The following COCH variants were observed in gnomAD, a reference collection of about 807,000 sequenced individuals.
COCH encodes the protein coagulation factor C homolog, cochlin (Limulus polyphemus).
Under a neutral mutation model 54.8 loss-of-function variants are expected in COCH, and 40 were observed. That is an observed-to-expected ratio of 0.73 (90% CI 0.57 to 0.95). COCH has a LOEUF of 0.95. Among genes scored for constraint, COCH ranks in the 40% least tolerant of loss-of-function variants. The pLI is 0.00. For synonymous variants in COCH, 256 were observed against 237.9 expected (o/e 1.08, Z -0.70); for missense variants, 605 against 675.0 (o/e 0.90, Z 1.15).
downstream of COCH, among the ~76,000 whole-genome samples, chr14:30,893,123 CACAATTACAAACG>C (rs1896026073): frequency 6.9e-6 from 1 of 143,898 alleles, no homozygotes; most frequent in Non-Finnish European, 1.5e-5. Flanking sequence ...TGGCAAAAAC[CACAATTACAAACG>C]GCAAAAACCA....
chr14:30,889,543 A>G, intron 11 of COCH, 73 bp from the exon 12 acceptor site: 1 of 1,356,706 alleles, frequency 7.4e-7, no homozygotes. Flanking sequence ...CAGTGTATGG[A>G]AAACATATAG....
At position 30,878,430 on chromosome 14, in the gene COCH, G is replaced by A. The variant is rs28400033; in HGVS notation, c.240-381G>A. 3.5e-3 allele frequency among the ~76,000 whole-genome samples: 528 copies of A among 152,314 alleles called. 7 individuals are homozygous for A. The highest frequency in any genetic ancestry group is 0.012 in the African/African-American group (492 of 41,570). On this transcript the variant is annotated intron_variant, in intron 4 of 11. Transcript: ENST00000396618. ...AATCCCACCACTTTGGGAGGCTGAGGCGGATGGACCACTTGAGGTCAGGAG... is the reference window on the plus strand; with the variant it reads ...AATCCCACCACTTTGGGAGGCTGAGACGGATGGACCACTTGAGGTCAGGAG...
chr14:30,887,993 G>C (rs937841137), intron 11 of COCH, among the ~76,000 whole-genome samples: 2 of 152,126 alleles, frequency 1.3e-5, no homozygotes, highest in African/African-American at 2.4e-5. Context: ...ATATTGATTC[G>C]TGAAAATTAT....
intron 9 of COCH, 100 bp downstream of exon 9, chr14:30,884,756 A>T: frequency 7.8e-7 from 1 of 1,284,626 alleles, no homozygotes; most frequent in Admixed American, 1.9e-5. Flanking sequence ...CAGATGTGAA[A>T]TCCTCCTGGA....
intron 11 of COCH, chr14:30,889,301 C>A: frequency 3.1e-6 from 1 of 321,882 alleles, no homozygotes; most frequent in Non-Finnish European, 5.9e-6. Context: ...TAAAAGTCTT[C>A]TTCTATTCCT....
At chr14:30,878,014 C>T (rs887671287) in intron 4 of COCH, among the ~76,000 whole-genome samples, 9 of 152,124 alleles carry the variant, frequency 5.9e-5, no homozygotes, top group African/African-American at 2.4e-5. Context: ...TACTATGTGC[C>T]ACCTATTGTT....
intron 8 of COCH, chr14:30,884,349 C>T: frequency 1.8e-6 from 1 of 557,738 alleles, no homozygotes; most frequent in Non-Finnish European, 3.2e-6. Context: ...ATAATAAATC[C>T]TCAATATGGC....
downstream of COCH, among the ~76,000 whole-genome samples, chr14:30,891,963 A>G (rs532479563): frequency 2.0e-4 from 30 of 152,370 alleles, no homozygotes; most frequent in East Asian, 3.3e-3. Context: ...TGGCCCATTT[A>G]TAACTTAATG....
At position 30,889,950 on chromosome 14, in the gene COCH, T is replaced by C. The variant is rs1895928549; in HGVS notation, c.*159T>C. 2.2e-6 allele frequency: 3 copies of C among 1,393,720 alleles called. No individual in the cohort carries two copies. Among genetic ancestry groups the C allele is most frequent in the Non-Finnish European group, 2.8e-6 (3 of 1,074,820 alleles). The allele number at this position is 1,393,720 out of a possible 1,614,324, so 86.3% of individuals were successfully genotyped here. On this transcript the variant is annotated 3_prime_UTR_variant, in exon 12 of 12. Coordinates refer to ENST00000396618, the MANE Select transcript of COCH (RefSeq NM_004086.3). ...CAAATAAGCACTCCTTTAAAGCCGC[T>C]GCCTTCTGGTTACAATTTACAGTGT...
At chr14:30,878,007 T>C (rs957114079) in intron 4 of COCH, among the ~76,000 whole-genome samples, 2 of 152,246 alleles carry the variant, frequency 1.3e-5, no homozygotes, top group African/African-American at 2.4e-5. Context: ...GAGTTATTAC[T>C]ATGTGCCACC....
At chr14:30,889,481 G>A (rs1223906707) in intron 11 of COCH, 135 bp from the exon 12 acceptor site, 6 of 777,698 alleles carry the variant, frequency 7.7e-6, no homozygotes, top group Non-Finnish European at 1.3e-5. Context: ...AATTTGTTCA[G>A]GGGATTTAAT....
intron 3 of COCH, 48 bp downstream of exon 3, chr14:30,875,151 A>G: frequency 6.5e-7 from 1 of 1,542,196 alleles, no homozygotes. Context: ...GGGGCTGAGC[A>G]CCAGCGGGTA....
Position 30,877,767 on chromosome 14 carries a change from C to T in COCH, c.239+39C>T, listed in dbSNP as rs201871505. 227 of 1,613,328 alleles carry T rather than the reference C, an allele frequency of 1.4e-4. No homozygotes were observed. The highest frequency in any genetic ancestry group is 7.2e-4 in the Admixed American group (43 of 60,004). ...CACCAGGGTGGGAGAGAAATGCAGA[C>T]GTGATTATTTCCTTTCCTGCTTTAC... On this transcript the variant is annotated intron_variant, in intron 4 of 11. Transcript: ENST00000396618. This position sits in a 1 kb window ranked among gnomAD's most constrained non-coding sequence, Gnocchi z 8.6.
In COCH at chr14:30,889,637, G is replaced by A. The variant is rs984348423; in HGVS notation, c.1499G>A (p.Gly500Asp). ...HDAGITIFSVGVAWAPLDDLK... is the reference protein window; with the variant it reads ...HDAGITIFSVDVAWAPLDDLK... Reference sequence around the variant, plus strand: ...GTAGGAATCACTATCTTCTCTGTTGGTGTGGCTTGGGCACCTCTGGATGAC... The same window carrying A: ...GTAGGAATCACTATCTTCTCTGTTGATGTGGCTTGGGCACCTCTGGATGAC... Residue 500 changes from glycine to aspartate, a missense_variant, in exon 12 of 12, where the codon GGT (glycine) becomes GAT (aspartate). By Grantham distance (94) the Gly-to-Asp change is moderately conservative. Coordinates refer to ENST00000396618, the MANE Select transcript of COCH (RefSeq NM_004086.3). 1 of 1,613,962 alleles carries A rather than the reference G, an allele frequency of 6.2e-7. No individual in the cohort carries two copies. The highest frequency in any genetic ancestry group is 8.5e-7 in the Non-Finnish European group (1 of 1,179,880).
In COCH at chr14:30,877,539, G is replaced by T; in HGVS notation, c.83-33G>T. The T allele has an allele frequency of 6.2e-7, 1 of 1,612,724 alleles. No homozygotes were observed. On this transcript the variant is annotated intron_variant, in intron 3 of 11. Coordinates refer to ENST00000396618, the MANE Select transcript of COCH (RefSeq NM_004086.3). This position sits in a 1 kb window ranked among gnomAD's most constrained non-coding sequence, Gnocchi z 8.6. Reference sequence around the variant, plus strand: ...ACCACTATGCCCCAAGAAGTCCTAAGAATGCTTACAATATTATCTCCTTTT... The same window carrying T: ...ACCACTATGCCCCAAGAAGTCCTAATAATGCTTACAATATTATCTCCTTTT...
Position 30,889,668 on chromosome 14 carries a change from A to C in COCH, c.1530A>C (p.Lys510Asn). ...CTTGGGCACCTCTGGATGACCTGAA[A>C]GATATGGCTTCTAAACCGAAGGAGT... is the stretch of plus-strand genomic sequence containing the variant. ...GVAWAPLDDL[K>N]DMASKPKESH... Residue 510 changes from lysine (K) to asparagine (N), a missense_variant, in exon 12 of 12, where the codon AAA (lysine) becomes AAC (asparagine). Transcript: ENST00000396618. 1 of 1,614,094 alleles carries C rather than the reference A, an allele frequency of 6.2e-7. No homozygotes were observed. The highest frequency in any genetic ancestry group is 8.5e-7 in the Non-Finnish European group (1 of 1,179,954).
At chr14:30,878,605 C>T (rs963499363) in intron 4 of COCH, among the ~76,000 whole-genome samples, 1 of 152,086 alleles carries the variant, frequency 6.6e-6, no homozygotes, top group African/African-American at 2.4e-5. Context: ...TGCAGTGAGC[C>T]GAGATCGCGC....
intron 1 of COCH, 146 bp from the exon 2 acceptor site, chr14:30,874,770 G>A (rs1895291060): frequency 1.3e-6 from 1 of 755,074 alleles, no homozygotes; most frequent in Non-Finnish European, 2.3e-6. Flanking sequence ...CCCAGACCTA[G>A]AGGGGCGCTG....
In COCH at chr14:30,884,558, A is replaced by T; in HGVS notation, c.635A>T (p.His212Leu). Residue 212 changes from histidine (H) to leucine (L), a missense_variant, in exon 9 of 12, where the codon CAT becomes CTT. By Grantham distance (99) the His-to-Leu change is moderately conservative. Coordinates refer to ENST00000396618, the MANE Select transcript of COCH (RefSeq NM_004086.3). ...ATTTTCTTTCTTCCACTCAGTGAAC[A>T]TCCCAAAATAGAATTTTACTTGAAA... ...PHVGLVQASE[H>L]PKIEFYLKNF... The T allele has an allele frequency of 2.5e-6, 4 of 1,608,146 alleles. No individual in the cohort carries two copies. The highest frequency in any genetic ancestry group is 3.4e-6 in the Non-Finnish European group (4 of 1,174,688).
Sources: allele counts gnomAD v4.1 joint callset (sites outside exome capture counted in the v4.1 genomes callset), GRCh38; gene constraint gnomAD v4.1.1; non-coding constraint Gnocchi (gnomAD v3.1); transcripts MANE v1.5; gene names NCBI Gene and HGNC (gene_info 2026-07-23, HGNC 2026-07-21).